KRT26: variants seen among roughly 807,000 people sequenced by gnomAD.
KRT26 encodes keratin, type I cytoskeletal 26.
KRT26 carries 45 observed loss-of-function variants against 46.1 expected under a neutral mutation model. The observed-to-expected ratio is 0.98, with a 90% CI of 0.77 to 1.25. The LOEUF is 1.25. KRT26 is among the 50% of genes most tolerant of loss of function. The pLI, the probability that KRT26 is intolerant of heterozygous loss-of-function variation, is 0.00. For synonymous variants in KRT26, 191 were observed against 209.9 expected, an observed-to-expected ratio of 0.91 and a Z score of 0.78; for missense variants, 582 against 560.1, an observed-to-expected ratio of 1.04 and a Z score of -0.39.
chr17:40,770,137 G>T lies in KRT26; in HGVS notation c.682-15C>A. The T allele has an allele frequency of 1.9e-6, 3 of 1,614,002 alleles. No individual in the cohort carries two copies. The highest frequency in any genetic ancestry group is 2.5e-6 in the Non-Finnish European group (3 of 1,179,888). ...ACTTCCATTTCCTAGAAAAGGGATCGGTATTCATCCTCAGTGGAGGATTTT... is the reference window on the plus strand; with the variant it reads ...ACTTCCATTTCCTAGAAAAGGGATCTGTATTCATCCTCAGTGGAGGATTTT... On this transcript the variant is annotated splice_polypyrimidine_tract_variant and intron_variant, in intron 3 of 7. Transcript: ENST00000335552.
At chr17:40,766,929 G>T (rs2038176954) in intron 7 of KRT26, among the ~76,000 whole-genome samples, 1 of 152,082 alleles carries the variant, frequency 6.6e-6, no homozygotes, top group Non-Finnish European at 1.5e-5. Context: ...TAGTAGAGAT[G>T]GAGTTTCACC....
intron 7 of KRT26, 45 bp from the exon 8 acceptor site, chr17:40,766,711 T>A: frequency 3.5e-6 from 5 of 1,422,358 alleles, no homozygotes; most frequent in Non-Finnish European, 4.9e-6. Flanking sequence ...TTTTAACAGG[T>A]TGAAAAGTAG....
chr17:40,771,958 A>G (rs1597799661), exon 1 of KRT26: 5 of 1,614,226 alleles, frequency 3.1e-6, no homozygotes, highest in Non-Finnish European at 4.2e-6. Context: ...AGCTTCCTCC[A>G]GAAGAGATGC....
At position 40,771,174 on chromosome 17, in the gene KRT26, G is replaced by A. The variant is rs138515308; in HGVS notation, c.504C>T (p.Thr168=). 4.0e-3 allele frequency: 6,349 copies of A among 1,599,512 alleles called. 78 individuals are homozygous for A. Among genetic ancestry groups the A allele is most frequent in the South Asian group, 0.027 (2,334 of 87,964 alleles). ...CCTACTTCAGCCTGAAGTCATCAGC[G>A]GTCAGTCTGGCATTGTCATTTTGTA... is the stretch of plus-strand genomic sequence containing the variant. The change falls in exon 2 of 8, where the codon ACC becomes ACT. Residue 168 remains threonine, a synonymous_variant. Transcript: ENST00000335552.
chr17:40,771,095 A>T, intron 2 of KRT26, 59 bp downstream of exon 2: 1 of 991,456 alleles, frequency 1.0e-6, no homozygotes. Context: ...TATATTCCTT[A>T]ATCCAATTGT....
intron 6 of KRT26, 99 bp downstream of exon 6, chr17:40,768,780 C>T (rs9915172): frequency 0.13 from 79,539 of 620,314 alleles, 5,899 homozygotes; most frequent in Admixed American, 0.27. Flanking sequence ...GTATGATCTC[C>T]AGAGTAGGAA....
At chr17:40,771,731 C>T (rs764983838) in exon 1 of KRT26, 49 of 1,614,042 alleles carry the variant, frequency 3.0e-5, no homozygotes, top group Non-Finnish European at 3.6e-5. Flanking sequence ...ATCGTGTTCC[C>T]GGGAAGAGCC....
rs2038227727 is a variant in KRT26, at chr17:40,772,100, A to G, written c.14T>C (p.Leu5Pro). 4 of 1,613,890 alleles carry G rather than the reference A, an allele frequency of 2.5e-6. No individual in the cohort carries two copies. Among genetic ancestry groups the G allele is most frequent in the Non-Finnish European group, 3.4e-6 (4 of 1,179,772 alleles). Residue 5 changes from leucine to proline, a missense_variant, in exon 1 of 8, where the codon CTT becomes CCT. Transcript: ENST00000335552. ...GCAGATCCTCCTGGATCCACCAGAA[A>G]GTCGAAAAGACATGGTGGCAGCACA... is the stretch of plus-strand genomic sequence containing the variant.
At chr17:40,766,405 A>G (rs2038172348) in exon 8 of KRT26, 3 of 865,492 alleles carry the variant, frequency 3.5e-6, no homozygotes, top group South Asian at 2.1e-5. Context: ...ACAGAAATGA[A>G]TAATTTCCTT....
chr17:40,771,849 T>G, exon 1 of KRT26: 1 of 1,614,172 alleles, frequency 6.2e-7, no homozygotes, highest in Middle Eastern at 1.6e-4. Flanking sequence ...TCGTTGAGAT[T>G]CTGCATGGTC....
chr17:40,766,583 C>G (rs761014138), exon 8 of KRT26: 2 of 1,613,398 alleles, frequency 1.2e-6, no homozygotes, highest in Non-Finnish European at 1.7e-6. Flanking sequence ...TTTTCTTCAA[C>G]TGAGTGGACT....
chr17:40,767,417 C>T (rs567621312), intron 7 of KRT26, among the ~76,000 whole-genome samples, 169 bp downstream of exon 7: 13 of 152,236 alleles, frequency 8.5e-5, no homozygotes, highest in South Asian at 2.1e-4. Flanking sequence ...TGTTGATCTA[C>T]GGGAATATAA....
chr17:40,771,699 A>C (rs749594228), exon 1 of KRT26: 3 of 1,613,768 alleles, frequency 1.9e-6, no homozygotes, highest in Non-Finnish European at 2.5e-6. Flanking sequence ...TCTATGACTG[A>C]GAAGTATCTG....
chr17:40,768,276 T>C (rs77858591), intron 6 of KRT26, among the ~76,000 whole-genome samples: 3,305 of 152,344 alleles, frequency 0.022, 48 homozygotes, highest in Middle Eastern at 0.048. Flanking sequence ...TGTCATGAGC[T>C]CTTTACCTAT....
chr17:40,771,724 G>C lies in KRT26; in HGVS notation c.390C>G (p.His130Gln), dbSNP rs776132965. Residue 130 changes from histidine to glutamine, a missense_variant, in exon 1 of 8, where the codon CAC becomes CAG. Coordinates refer to ENST00000335552, the Ensembl canonical transcript of KRT26. ...AGAAGTATCTGCTATAGTCATGATCGTGTTCCCGGGAAGAGCCAGGCTCAC... is the reference window on the plus strand; with the variant it reads ...AGAAGTATCTGCTATAGTCATGATCCTGTTCCCGGGAAGAGCCAGGCTCAC... The C allele has an allele frequency of 1.4e-5, 22 of 1,613,988 alleles. No homozygotes were observed. The highest frequency in any genetic ancestry group is 1.8e-5 in the Non-Finnish European group (21 of 1,180,040).
chr17:40,766,474 C>A, exon 8 of KRT26: 1 of 1,448,706 alleles, frequency 6.9e-7, no homozygotes, highest in Non-Finnish European at 9.3e-7. Flanking sequence ...CTTTCTCTCT[C>A]TCTCTCTTTC....
At position 40,770,238 on chromosome 17, in the gene KRT26, T is replaced by A. The variant is rs367734430; in HGVS notation, c.681+15A>T. On this transcript the variant is annotated intron_variant, in intron 3 of 7. Transcript: ENST00000335552. ...AATTAGAAACTGTATGAAGCCACTC[T>A]GCAGGCTTCCTTACCTCCTCATGAC... 2.5e-6 allele frequency: 4 copies of A among 1,613,914 alleles called. No homozygotes were observed. The highest frequency in any genetic ancestry group is 3.4e-6 in the Non-Finnish European group (4 of 1,179,852).
rs577409213 is a variant in KRT26 at position 40,766,508 on chromosome 17, T to G, written c.*7A>C. The G allele has an allele frequency of 1.2e-5, 18 of 1,549,424 alleles. No individual in the cohort carries two copies. The East Asian group carries it at 2.5e-4, about 22-fold the overall frequency. ...TCTTTCTTTCTTTCCAAATAACTTT[T>G]TCCTCATTATGGTGCTTTAGAAGGT... is the stretch of plus-strand genomic sequence containing the variant. On this transcript the variant is annotated 3_prime_UTR_variant, in exon 8 of 8. Transcript: ENST00000335552.
chr17:40,770,818 G>C (rs2038216457), intron 2 of KRT26, among the ~76,000 whole-genome samples: 1 of 152,164 alleles, frequency 6.6e-6, no homozygotes, highest in African/African-American at 2.4e-5. Flanking sequence ...CCAAGTAGCT[G>C]GGATTACAGG....
Sources: allele counts gnomAD v4.1 joint callset (sites outside exome capture counted in the v4.1 genomes callset), GRCh38; gene constraint gnomAD v4.1.1; transcripts MANE v1.5; gene names NCBI Gene and HGNC (gene_info 2026-07-23, HGNC 2026-07-21).